Variants in NLRP14 observed in about 807,000 individuals in gnomAD.
NLRP14 encodes NACHT, LRR and PYD domains-containing protein 14.
In NLRP14, 105 loss-of-function variants were observed where a neutral mutation model predicts 94.7. The observed-to-expected ratio is 1.11, with a 90% confidence interval of 0.95 to 1.30. NLRP14 has a LOEUF of 1.30. Among genes scored for constraint, NLRP14 ranks in the 50% most tolerant of loss-of-function variants. The pLI is 0.00. For missense variants in NLRP14, 1,362 were observed against 1,254.1 expected (o/e 1.09, Z -1.30); for synonymous variants, 508 against 459.9 (o/e 1.10, Z -1.34).
chr11:7,049,522 A>T, intron 5 of NLRP14, 149 bp from the exon 6 acceptor site: 1 of 660,080 alleles, frequency 1.5e-6, no homozygotes, highest in Non-Finnish European at 2.6e-6. Flanking sequence ...TCATAAATAG[A>T]AATTGAAGTT....
chr11:7,025,886 A>T (rs192760740), intron 1 of NLRP14, among the ~76,000 whole-genome samples: 172 of 152,316 alleles, frequency 1.1e-3, no homozygotes, highest in African/African-American at 4.0e-3. Context: ...TTTGTGTTTC[A>T]GAATTAGAAC....
At chr11:7,058,573 G>A in intron 8 of NLRP14, 123 bp downstream of exon 8, 2 of 737,602 alleles carry the variant, frequency 2.7e-6, no homozygotes, top group Non-Finnish European at 4.6e-6. Context: ...AATGAAGAAG[G>A]TGAAAGTGAT....
chr11:7,055,818 C>A (rs939064904), intron 6 of NLRP14, among the ~76,000 whole-genome samples: 3 of 152,018 alleles, frequency 2.0e-5, no homozygotes. Flanking sequence ...GCAGTAAGGA[C>A]AACAAAAACA....
rs1852288233 is a variant in NLRP14 at position 7,043,076 on chromosome 11, G to A, written c.1050G>A (p.Met350Ile). The A allele has an allele frequency of 6.2e-7, 1 of 1,614,154 alleles. No homozygotes were observed. Among genetic ancestry groups the A allele is most frequent in the Non-Finnish European group, 8.5e-7 (1 of 1,180,030 alleles). Residue 350 changes from methionine (M) to isoleucine (I), a missense_variant, in exon 4 of 12, where the codon ATG becomes ATA. By Grantham distance (10) the Met-to-Ile change is conservative (BLOSUM62 1). Coordinates refer to ENST00000299481, the MANE Select transcript of NLRP14 (RefSeq NM_176822.4). ...TTTTTGAAGATAAGAGGTGGGCCAT[G>A]AAAGTATTCAGTTCACTAAAAAGCA... ...YQFFEDKRWA[M>I]KVFSSLKSNE...
chr11:7,036,517 A>T (rs1852165099), intron 1 of NLRP14, among the ~76,000 whole-genome samples: 1 of 152,194 alleles, frequency 6.6e-6, no homozygotes, highest in Admixed American at 6.5e-5. Flanking sequence ...AAATATCAAG[A>T]TGTAAGGCAT....
chr11:7,067,294 G>A (rs535318137), intron 10 of NLRP14, among the ~76,000 whole-genome samples: 40 of 152,304 alleles, frequency 2.6e-4, no homozygotes, highest in African/African-American at 8.9e-4. Flanking sequence ...ACTTTGAGCA[G>A]TATGGCCATT....
chr11:7,086,626 G>C, the NLRP14 span, among the ~76,000 whole-genome samples: 2 of 152,212 alleles, frequency 1.3e-5, no homozygotes, highest in Non-Finnish European at 2.9e-5. Flanking sequence ...TCAGGTAAAA[G>C]AGACACAATC....
Position 7,042,644 on chromosome 11 carries a change from C to T in NLRP14, c.618C>T (p.Tyr206=). 1 of 1,614,108 alleles carries T rather than the reference C, an allele frequency of 6.2e-7. No individual in the cohort carries two copies. The highest frequency in any genetic ancestry group is 8.5e-7 in the Non-Finnish European group (1 of 1,179,962). ...TAGATTGGGCAGAGGGCAGTCTCTACCAGCAGAGGTTTAAGTATGTTTTTT... is the reference window on the plus strand; with the variant it reads ...TAGATTGGGCAGAGGGCAGTCTCTATCAGCAGAGGTTTAAGTATGTTTTTT... ...AMLDWAEGSL[Y]QQRFKYVFYL... Residue 206 remains tyrosine (Y), a synonymous_variant, in exon 4 of 12, where the codon TAC becomes TAT. Coordinates refer to ENST00000299481, the MANE Select transcript of NLRP14 (RefSeq NM_176822.4).
rs1233252141 is a variant in NLRP14 at position 7,059,998 on chromosome 11, A to G, written c.2738A>G (p.Gln913Arg). The G allele has an allele frequency of 6.2e-7, 1 of 1,612,920 alleles. No individual in the cohort carries two copies. Among genetic ancestry groups the G allele is most frequent in the Admixed American group, 1.7e-5 (1 of 59,946 alleles). The change falls in exon 9 of 12, where the codon CAA (glutamine) becomes CGA (arginine). Residue 913 changes from glutamine (Q) to arginine (R), a missense_variant. Coordinates refer to ENST00000299481, the MANE Select transcript of NLRP14 (RefSeq NM_176822.4). The stretch of plus-strand genomic sequence containing the variant: ...CTGGATCTAGGATCAAACTGGCTAC[A>G]AGACAATGGAGTGAAGCTTCTGTGT... ...THLDLGSNWL[Q>R]DNGVKLLCDV... is the part of the protein sequence containing the mutation.
intron 1 of NLRP14, among the ~76,000 whole-genome samples, chr11:7,025,887 G>T (rs1302791643): frequency 6.6e-6 from 1 of 151,998 alleles, no homozygotes; most frequent in Non-Finnish European, 1.5e-5. Flanking sequence ...TTGTGTTTCA[G>T]AATTAGAACT....
At chr11:7,027,183 C>T (rs1852028489) in intron 1 of NLRP14, among the ~76,000 whole-genome samples, 1 of 151,318 alleles carries the variant, frequency 6.6e-6, no homozygotes, top group Non-Finnish European at 1.5e-5. Flanking sequence ...ATATCCTTCC[C>T]ATCATCAAGT....
At chr11:7,023,640 T>G (rs927425656) in intron 1 of NLRP14, among the ~76,000 whole-genome samples, 3 of 151,522 alleles carry the variant, frequency 2.0e-5, no homozygotes, top group African/African-American at 4.8e-5. Context: ...TAGGCCATCT[T>G]GCATTGTATA....
chr11:7,043,989 G>A lies in NLRP14; in HGVS notation c.1958+5G>A, dbSNP rs753183382. 52 of 1,613,530 alleles carry A rather than the reference G, an allele frequency of 3.2e-5. No homozygotes were observed. Among genetic ancestry groups the A allele is most frequent in the Middle Eastern group, 3.3e-4 (2 of 6,082 alleles). ...AAGCCTCCCAACTAACACTTGGTAA[G>A]TGTGTTAGGGCCATTCCCTGGAAGT... is the stretch of plus-strand genomic sequence containing the variant. On this transcript the variant is annotated splice_donor_5th_base_variant and intron_variant, in intron 4 of 11. Coordinates refer to ENST00000299481, the MANE Select transcript of NLRP14 (RefSeq NM_176822.4).
chr11:7,049,791 A>G lies in NLRP14; in HGVS notation c.2244A>G (p.Ser748=). The change falls in exon 6 of 12, where the codon TCA becomes TCG. Residue 748 remains serine, a synonymous_variant. Transcript: ENST00000299481. Reference sequence around the variant, plus strand: ...ATATAGGGGATAATGGAGTAAAGTCATTGTGTGAGGCCTTGAAACACCCAG... The same window carrying G: ...ATATAGGGGATAATGGAGTAAAGTCGTTGTGTGAGGCCTTGAAACACCCAG... The part of the protein sequence containing the change: ...GSDIGDNGVK[S]LCEALKHPEC... 2 of 1,611,986 alleles carry G rather than the reference A, an allele frequency of 1.2e-6. No individual in the cohort carries two copies. Among genetic ancestry groups the G allele is most frequent in the Non-Finnish European group, 1.7e-6 (2 of 1,178,106 alleles).
At chr11:7,057,879 C>A in intron 7 of NLRP14, 32 bp downstream of exon 7, 1 of 1,583,706 alleles carries the variant, frequency 6.3e-7, no homozygotes, top group South Asian at 1.1e-5. Flanking sequence ...TCTGTAGAGT[C>A]ATTTTGCTTG....
chr11:7,090,394 A>G, the NLRP14 span: 2 of 1,413,302 alleles, frequency 1.4e-6, no homozygotes, highest in Non-Finnish European at 2.0e-6. Flanking sequence ...TAGTACAAGG[A>G]AGAGTTGTTT....
rs1210460670 is a variant in NLRP14, at chr11:7,071,222, G to A, written c.3196G>A (p.Val1066Met). Residue 1066 changes from valine (V) to methionine (M), a missense_variant, in exon 12 of 12, where the codon GTG becomes ATG. Val to Met is a conservative substitution (Grantham distance 21). Coordinates refer to ENST00000299481, the MANE Select transcript of NLRP14 (RefSeq NM_176822.4). ...GGAAGCCCAGAAGCTGCTGGAAGCT[G>A]TGGGAGTTAGCAATCCACACTTAAT... is the stretch of plus-strand genomic sequence containing the variant. ...DEEAQKLLEA[V>M]GVSNPHLIIK... 1 of 1,613,744 alleles carries A rather than the reference G, an allele frequency of 6.2e-7. No individual in the cohort carries two copies.
chr11:7,069,520 T>A (rs1852759966), intron 10 of NLRP14, among the ~76,000 whole-genome samples: 1 of 152,236 alleles, frequency 6.6e-6, no homozygotes, highest in Non-Finnish European at 1.5e-5. Context: ...CCATTCTCTT[T>A]CCCACCTATA....
In NLRP14 at chr11:7,070,428, T is replaced by G; in HGVS notation, c.3118T>G (p.Ser1040Ala). Residue 1040 changes from serine to alanine, a missense_variant, in exon 11 of 12, where the codon TCT becomes GCT. Coordinates refer to ENST00000299481, the MANE Select transcript of NLRP14 (RefSeq NM_176822.4). ...TGTGAAGTTATATAAAGTCTTGAAG[T>G]CTCCTAAGTGTAAACTACAAGTTCT... ...GIVKLYKVLK[S>A]PKCKLQVLGL... The G allele has an allele frequency of 6.2e-7, 1 of 1,611,752 alleles. No homozygotes were observed. The highest frequency in any genetic ancestry group is 8.5e-7 in the Non-Finnish European group (1 of 1,178,170).
Sources: gnomAD v4.1 joint callset for allele counts (sites outside exome capture counted in the v4.1 genomes callset) on GRCh38, gnomAD v4.1.1 for gene constraint, MANE v1.5 for transcripts, NCBI Gene and HGNC (gene_info 2026-07-23, HGNC 2026-07-21) for gene names.